MRPS5: variants seen among roughly 807,000 people sequenced by gnomAD.
MRPS5 encodes the protein mitochondrial ribosomal protein S5.
A neutral mutation model predicts 51.9 loss-of-function variants in MRPS5; 27 were observed. The ratio of observed to expected loss-of-function variants is 0.52; its 90% confidence interval spans 0.38 to 0.72. The LOEUF is 0.72. Ranked by LOEUF, MRPS5 falls within the 30% of genes least tolerant of loss-of-function variation. The pLI is 0.00. For missense variants in MRPS5, 570 were observed against 545.7 expected (o/e 1.04, Z -0.44); for synonymous variants, 196 against 193.2 (o/e 1.01, Z -0.12).
intron 3 of MRPS5, among the ~76,000 whole-genome samples, chr2:95,112,334 G>C (rs1676145230): frequency 6.6e-6 from 1 of 152,068 alleles, no homozygotes; most frequent in African/African-American, 2.4e-5. Flanking sequence ...CAAAGCGCTA[G>C]GATTACAGGC....
chr2:95,094,180 T>G (rs1294811284), intron 10 of MRPS5, among the ~76,000 whole-genome samples: 1 of 151,898 alleles, frequency 6.6e-6, no homozygotes, highest in Admixed American at 6.6e-5. Context: ...AAGAGAAGTT[T>G]AGAGAAAAAA....
chr2:95,095,560 A>T (rs1263329130), intron 10 of MRPS5, among the ~76,000 whole-genome samples: 1 of 152,142 alleles, frequency 6.6e-6, no homozygotes, highest in African/African-American at 2.4e-5. Flanking sequence ...CTCACTCAAA[A>T]CCGCTCAACT....
intron 1 of MRPS5, 102 bp downstream of exon 1, chr2:95,121,632 C>T: frequency 4.6e-6 from 6 of 1,316,006 alleles, no homozygotes; most frequent in Non-Finnish European, 6.1e-6. Flanking sequence ...AGCCGGGGGC[C>T]GCGGCTTCTC....
Position 95,121,751 on chromosome 2 carries a change from A to G in MRPS5, c.41T>C (p.Leu14Pro). Residue 14 changes from leucine to proline, a missense_variant, in exon 1 of 12, where the codon CTG (leucine) becomes CCG (proline). Physicochemically the swap from Leu to Pro is moderately conservative, Grantham distance 98. Coordinates refer to ENST00000272418, the MANE Select transcript of MRPS5 (RefSeq NM_031902.5). ...GCTCTCACCTGCCGTCCCGCTACACAGCACGGGGAGGCAGCCCACAGCGCG... is the reference window on the plus strand; with the variant it reads ...GCTCTCACCTGCCGTCCCGCTACACGGCACGGGGAGGCAGCCCACAGCGCG... ...AVRAVGCLPV[L>P]CSGTAGHLLG... The G allele has an allele frequency of 1.3e-6, 2 of 1,552,476 alleles. No individual in the cohort carries two copies. The highest frequency in any genetic ancestry group is 1.2e-5 in the South Asian group (1 of 84,994).
intron 4 of MRPS5, 37 bp downstream of exon 4, chr2:95,109,879 T>TA: frequency 6.3e-7 from 1 of 1,592,370 alleles, no homozygotes; most frequent in Non-Finnish European, 8.5e-7. Flanking sequence ...GTAAGAAACT[T>TA]ACAAAGCACT....
At chr2:95,091,756 A>G (rs748493834) in intron 10 of MRPS5, 6 of 152,232 alleles carry the variant, frequency 3.9e-5, no homozygotes, top group Non-Finnish European at 7.3e-5. Flanking sequence ...TGTGGCCTCC[A>G]TAATTATGCC....
At chr2:95,107,142 T>C (rs1055473191) in intron 5 of MRPS5, among the ~76,000 whole-genome samples, 10 of 152,250 alleles carry the variant, frequency 6.6e-5, no homozygotes, top group African/African-American at 1.9e-4. Flanking sequence ...ATGTATACAT[T>C]AGTCAGCTTC....
At chr2:95,094,504 A>G (rs1175194535) in intron 10 of MRPS5, among the ~76,000 whole-genome samples, 1 of 152,242 alleles carries the variant, frequency 6.6e-6, no homozygotes, top group Admixed American at 6.5e-5. Flanking sequence ...GTTATCCACA[A>G]AGGGAAGCCC....
At chr2:95,109,813 C>T (rs1044662168) in intron 4 of MRPS5, 103 bp downstream of exon 4, 1 of 1,303,218 alleles carries the variant, frequency 7.7e-7, no homozygotes, top group Non-Finnish European at 1.1e-6. Flanking sequence ...ATCGTAGTGC[C>T]CTTCATAAGA....
rs1332026868 is a variant in MRPS5, at chr2:95,104,651, T to C, written c.752A>G (p.Lys251Arg). 2 of 1,614,170 alleles carry C rather than the reference T, an allele frequency of 1.2e-6. No homozygotes were observed. Among genetic ancestry groups the C allele is most frequent in the East Asian group, 2.2e-5 (1 of 44,886 alleles). Residue 251 changes from lysine (K) to arginine (R), a missense_variant, in exon 7 of 12, where the codon AAA (lysine) becomes AGA (arginine). By Grantham distance (26) the Lys-to-Arg change is conservative. Transcript: ENST00000272418. ...IRVLVAVGNG[K>R]GAAGFSIGKA... ...CACTCCCCATTCACCTGCAGCTCCT[T>C]TTCCGTTCCCCACAGCCACCAAGAC...
intron 5 of MRPS5, 76 bp downstream of exon 5, chr2:95,108,099 A>G (rs1676002884): frequency 7.7e-7 from 1 of 1,306,782 alleles, no homozygotes; most frequent in Non-Finnish European, 1.1e-6. Flanking sequence ...CAGACAAGTA[A>G]TAACACCATT....
chr2:95,102,041 T>TC (rs1348769690), intron 7 of MRPS5: 1 of 231,286 alleles, frequency 4.3e-6, no homozygotes, highest in Non-Finnish European at 8.5e-6. Context: ...ATGACTGTGG[T>TC]CCCAACTACT....
At chr2:95,101,854 T>A (rs1675814449) in intron 7 of MRPS5, 131 bp from the exon 8 acceptor site, 2 of 638,138 alleles carry the variant, frequency 3.1e-6, no homozygotes, top group Non-Finnish European at 5.5e-6. Context: ...AAAGACTTGC[T>A]ATACAAAACC....
chr2:95,110,434 A>G (rs187780356), intron 3 of MRPS5, among the ~76,000 whole-genome samples: 77 of 152,324 alleles, frequency 5.1e-4, no homozygotes, highest in Middle Eastern at 3.4e-3. Context: ...CTTCCTAAGT[A>G]TAAGTTTTCT....
chr2:95,119,584 C>T (rs1676382214), intron 1 of MRPS5, among the ~76,000 whole-genome samples: 1 of 151,254 alleles, frequency 6.6e-6, no homozygotes, highest in Admixed American at 6.6e-5. Flanking sequence ...TGCACTTCTA[C>T]CTGGGCAATG....
At chr2:95,121,690 C>G (rs1676457838) in intron 1 of MRPS5, 44 bp downstream of exon 1, 1 of 1,522,894 alleles carries the variant, frequency 6.6e-7, no homozygotes, top group Non-Finnish European at 8.8e-7. Flanking sequence ...GCCCCCCACT[C>G]CCGGCCCGCT....
chr2:95,087,289 G>A lies in MRPS5; in HGVS notation c.*68C>T. On this transcript the variant is annotated 3_prime_UTR_variant, in exon 12 of 12. Transcript: ENST00000272418. The stretch of plus-strand genomic sequence containing the variant: ...AACAAAAGGCAAGGTAACATCCCAA[G>A]CTGTGAGGGGCTGAGTCTCTCCTAG... The A allele has an allele frequency of 8.1e-7, 1 of 1,235,874 alleles. No homozygotes were observed. Among genetic ancestry groups the A allele is most frequent in the East Asian group, 2.3e-5 (1 of 42,576 alleles). The allele number at this position is 1,235,874 out of a possible 1,614,324, so 76.6% of individuals were successfully genotyped here. A position where few individuals can be genotyped will look rare whatever the true frequency, so the allele number is the denominator to read the frequency against.
intron 7 of MRPS5, among the ~76,000 whole-genome samples, chr2:95,103,536 T>C (rs896202484): frequency 6.6e-6 from 1 of 152,234 alleles, no homozygotes; most frequent in Non-Finnish European, 1.5e-5. Context: ...TTATCAGCAC[T>C]TAAAATACAT....
chr2:95,111,295 TTCTC>T (rs575194641), intron 3 of MRPS5, among the ~76,000 whole-genome samples: 8 of 152,220 alleles, frequency 5.3e-5, no homozygotes, highest in Admixed American at 2.0e-4. Context: ...GATTTGATTT[TTCTC>T]TCTAAGTGCT....
Sources: allele counts gnomAD v4.1 joint callset (sites outside exome capture counted in the v4.1 genomes callset), GRCh38; gene constraint gnomAD v4.1.1; transcripts MANE v1.5; gene names NCBI Gene and HGNC (gene_info 2026-07-23, HGNC 2026-07-21).